Variants in PBX1 observed in about 807,000 individuals in gnomAD.
PBX1 encodes the protein pre-B-cell leukemia transcription factor 1.
Under a neutral mutation model 53.4 loss-of-function variants are expected in PBX1, and 6 were observed. The ratio of observed to expected loss-of-function variants is 0.11; its 90% CI spans 0.06 to 0.22. The LOEUF (loss-of-function observed/expected upper bound fraction) is 0.22, where lower values mean the gene tolerates loss of function less well. PBX1 is among the 10% of genes least tolerant of loss of function. PBX1 has a pLI of 1.00. For synonymous variants in PBX1, 204 were observed against 212.3 expected (o/e 0.96, Z 0.34); for missense variants, 251 against 551.4 (o/e 0.46, Z 5.46).
At chr1:164,770,201 A>T (rs1667292216) in intron 2 of PBX1, 1 of 152,184 alleles carries the variant, frequency 6.6e-6, no homozygotes, top group Admixed American at 6.5e-5. Context: ...GCCTTTTTAG[A>T]GAATGCTTGT....
At chr1:164,600,339 C>T (rs149336594) in intron 2 of PBX1, among the ~76,000 whole-genome samples, 3,509 of 150,840 alleles carry the variant, frequency 0.023, 70 homozygotes, top group Non-Finnish European at 0.032. Flanking sequence ...GCAACCTCCA[C>T]CTCCTGGGTT....
At chr1:164,738,114 T>C (rs1250008619) in intron 2 of PBX1, among the ~76,000 whole-genome samples, 1 of 152,224 alleles carries the variant, frequency 6.6e-6, no homozygotes, top group Non-Finnish European at 1.5e-5. Flanking sequence ...TAGTATTTTA[T>C]TGTGGGAATA....
intron 8 of PBX1, among the ~76,000 whole-genome samples, chr1:164,827,908 ACT>A (rs1367264920): frequency 2.0e-5 from 3 of 152,146 alleles, no homozygotes; most frequent in African/African-American, 7.2e-5. Context: ...AATTGGAGAA[ACT>A]CTGATGTCAG....
intron 2 of PBX1, among the ~76,000 whole-genome samples, chr1:164,662,318 T>A (rs917167056): frequency 2.0e-5 from 3 of 152,174 alleles, no homozygotes; most frequent in Admixed American, 2.0e-4. Flanking sequence ...AGATCAAGAC[T>A]CTGTCTCAAA....
At chr1:164,623,855 AAT>A (rs1466494391) in intron 2 of PBX1, among the ~76,000 whole-genome samples, 3 of 152,222 alleles carry the variant, frequency 2.0e-5, no homozygotes, top group Admixed American at 6.5e-5. Context: ...TAATTAGTGG[AAT>A]ATATAACTAT....
chr1:164,674,892 A>G (rs1031738283), intron 2 of PBX1: 2 of 126,132 alleles, frequency 1.6e-5, no homozygotes, highest in Non-Finnish European at 3.2e-5. Context: ...TTTAAACTTG[A>G]TGGAATGATG....
intron 2 of PBX1, among the ~76,000 whole-genome samples, chr1:164,712,175 AT>A (rs1402349374): frequency 5.7e-5 from 4 of 70,550 alleles, no homozygotes; most frequent in African/African-American, 1.5e-4. Flanking sequence ...GGAAGAAGAG[AT>A]TAAAAAAAAA....
chr1:164,805,096 C>T (rs966578350), intron 4 of PBX1, among the ~76,000 whole-genome samples: 4 of 152,044 alleles, frequency 2.6e-5, no homozygotes, highest in Non-Finnish European at 4.4e-5. Context: ...CCCCATGGAC[C>T]CTGTGATTCA....
intron 2 of PBX1, among the ~76,000 whole-genome samples, chr1:164,870,326 T>C (rs1304630357): frequency 3.4e-5 from 4 of 115,956 alleles, no homozygotes; most frequent in African/African-American, 1.4e-4. Context: ...TCTTTCTTTC[T>C]TTCTTTCTTT....
intron 2 of PBX1, among the ~76,000 whole-genome samples, chr1:164,870,215 TTCTTTCCTTCCTTCC>T (rs1672319628): frequency 1.1e-5 from 1 of 92,778 alleles, no homozygotes; most frequent in Non-Finnish European, 2.3e-5. Context: ...TTTCTTTTCT[TTCTTTCCTTCCTTCC>T]TTCCTTCCTT....
intron 2 of PBX1, among the ~76,000 whole-genome samples, chr1:164,885,642 A>G (rs1672760384): frequency 6.6e-6 from 1 of 152,180 alleles, no homozygotes; most frequent in Non-Finnish European, 1.5e-5. Context: ...GCTCTTGGGC[A>G]AGTAATTTTC....
At chr1:164,610,426 G>A (rs1414106212) in intron 2 of PBX1, among the ~76,000 whole-genome samples, 1 of 152,010 alleles carries the variant, frequency 6.6e-6, no homozygotes, top group Non-Finnish European at 1.5e-5. Flanking sequence ...GAATGCGGTG[G>A]GGTTAACATA....
At chr1:164,805,458 A>C (rs1385659949) in intron 4 of PBX1, among the ~76,000 whole-genome samples, 3 of 152,200 alleles carry the variant, frequency 2.0e-5, no homozygotes, top group African/African-American at 7.2e-5. Context: ...CATCACAAGG[A>C]GAGAAGAGCT....
intron 6 of PBX1, chr1:164,813,121 G>A (rs1330051581): frequency 6.6e-6 from 1 of 152,144 alleles, no homozygotes. Flanking sequence ...CACAAAGCTT[G>A]TTTGTCCACT....
intron 2 of PBX1, among the ~76,000 whole-genome samples, chr1:164,620,807 C>G (rs1347851473): frequency 1.3e-5 from 2 of 151,442 alleles, no homozygotes; most frequent in African/African-American, 4.8e-5. Context: ...TTCAGCCTCC[C>G]GAGTAGCTGG....
chr1:164,665,613 G>A (rs1053684261), intron 2 of PBX1, among the ~76,000 whole-genome samples: 2 of 152,116 alleles, frequency 1.3e-5, no homozygotes, highest in East Asian at 3.9e-4. Context: ...AAAAACAAAG[G>A]GACACTGGTT....
intron 2 of PBX1, among the ~76,000 whole-genome samples, chr1:164,734,548 A>G (rs1665166977): frequency 6.6e-6 from 1 of 152,188 alleles, no homozygotes; most frequent in Non-Finnish European, 1.5e-5. Flanking sequence ...ATGGATATAA[A>G]TGGTTTACTT....
chr1:164,798,255 G>A (rs555037341), intron 3 of PBX1, among the ~76,000 whole-genome samples: 11 of 152,260 alleles, frequency 7.2e-5, no homozygotes, highest in African/African-American at 2.6e-4. Context: ...TTGCGTTGTC[G>A]ACACATATGA....
intron 2 of PBX1, among the ~76,000 whole-genome samples, chr1:164,580,775 C>T (rs550226876): frequency 9.2e-5 from 14 of 152,240 alleles, no homozygotes; most frequent in African/African-American, 2.9e-4. Flanking sequence ...GACGGGGTTT[C>T]ACCATGTTGG....
Sources: gnomAD v4.1 joint callset for allele counts (sites outside exome capture counted in the v4.1 genomes callset) on GRCh38, gnomAD v4.1.1 for gene constraint, MANE v1.5 for transcripts, NCBI Gene and HGNC (gene_info 2026-07-23, HGNC 2026-07-21) for gene names.